Variants in ROBO2 observed in about 807,000 individuals in gnomAD.
The protein encoded by ROBO2 is roundabout guidance receptor 2.
In ROBO2, 53 loss-of-function variants were observed where a neutral mutation model predicts 160.8. The ratio of observed to expected loss-of-function variants is 0.33; its 90% confidence interval spans 0.26 to 0.41. ROBO2 has a LOEUF of 0.41. Among genes scored for constraint, ROBO2 ranks in the 10% least tolerant of loss-of-function variants. The pLI is 1.00. For synonymous variants in ROBO2, 664 were observed against 611.7 expected, an observed-to-expected ratio of 1.09 and a Z score of -1.26; for missense variants, 1,577 against 1,722.4, an observed-to-expected ratio of 0.92 and a Z score of 1.49.
chr3:76,232,087 G>A (rs1704654008), intron 2 of ROBO2, among the ~76,000 whole-genome samples: 1 of 152,082 alleles, frequency 6.6e-6, no homozygotes, highest in Non-Finnish European at 1.5e-5. Context: ...CAGTCAGTCA[G>A]GTTGTGATCT....
intron 2 of ROBO2, among the ~76,000 whole-genome samples, chr3:76,306,805 A>C (rs994508932): frequency 5.3e-5 from 8 of 152,232 alleles, no homozygotes; most frequent in Non-Finnish European, 1.0e-4. Context: ...AAGAAACCTT[A>C]AAGTTTATTT....
At chr3:77,286,057 A>C (rs1422051236) in intron 2 of ROBO2, among the ~76,000 whole-genome samples, 1 of 152,034 alleles carries the variant, frequency 6.6e-6, no homozygotes, top group African/African-American at 2.4e-5. Context: ...TTTTGTGCAA[A>C]CTTTCATTAT....
intron 2 of ROBO2, among the ~76,000 whole-genome samples, chr3:76,064,160 G>C (rs984042940): frequency 6.6e-6 from 1 of 152,122 alleles, no homozygotes; most frequent in Non-Finnish European, 1.5e-5. Context: ...TTTTAGCCTC[G>C]TGAGACCCAG....
At chr3:77,400,431 T>C (rs1216474043) in intron 2 of ROBO2, among the ~76,000 whole-genome samples, 1 of 152,192 alleles carries the variant, frequency 6.6e-6, no homozygotes, top group Non-Finnish European at 1.5e-5. Context: ...TTCTGGAGTC[T>C]TTTGGGGGGC....
At chr3:76,992,012 T>G (rs1478055249) in intron 2 of ROBO2, among the ~76,000 whole-genome samples, 1 of 152,136 alleles carries the variant, frequency 6.6e-6, no homozygotes, top group Non-Finnish European at 1.5e-5. Flanking sequence ...ATAGAACTTC[T>G]AGTTCTTCAG....
intron 2 of ROBO2, among the ~76,000 whole-genome samples, chr3:76,704,898 A>T (rs2593879): frequency 0.48 from 73,584 of 151,950 alleles, 18,234 homozygotes; most frequent in Non-Finnish European, 0.54. Context: ...TTAATTAATT[A>T]ATTTATTTTG....
intron 2 of ROBO2, among the ~76,000 whole-genome samples, chr3:77,353,983 T>G (rs770533220): frequency 3.9e-5 from 6 of 152,152 alleles, no homozygotes; most frequent in Non-Finnish European, 5.9e-5. Context: ...TTCAACTCCA[T>G]ACCCTGAATT....
rs566760335 is a variant in ROBO2 at position 77,166,561 on chromosome 3, G to T, written c.388+68221G>T. 2.9e-3 allele frequency among the ~76,000 whole-genome samples: 438 copies of T among 150,838 alleles called. 3 individuals carry two copies. Among genetic ancestry groups the T allele is most frequent in the South Asian group, 0.02 (93 of 4,720 alleles). ...TTAATGACACAGAAGTGTTTTTTTT[G>T]TTTGTTTGTTTGTTTTAGGCGGAGT... On this transcript the variant is annotated intron_variant, in intron 2 of 25. Transcript: ENST00000461745.
At chr3:76,807,653 GAA>G (rs1019347361) in intron 2 of ROBO2, among the ~76,000 whole-genome samples, 26 of 152,104 alleles carry the variant, frequency 1.7e-4, no homozygotes, top group Middle Eastern at 6.8e-3. Flanking sequence ...ACATTCCCAT[GAA>G]AAGTGTTAAT....
At position 77,159,262 on chromosome 3, in the gene ROBO2, T is replaced by C. The variant is rs114917585; in HGVS notation, c.388+60922T>C. On this transcript the variant is annotated intron_variant, in intron 2 of 25. Coordinates refer to ENST00000461745, the Ensembl canonical transcript of ROBO2. ...ACACAGAAGATCAGTGCCATGAAAA[T>C]TCAATTTCCCCCAACCATCATTACC... Among the ~76,000 whole-genome samples the C allele has an allele frequency of 8.0e-3, 1,211 of 152,208 alleles. 17 individuals are homozygous for C. The highest frequency in any genetic ancestry group is 0.028 in the African/African-American group (1,154 of 41,546).
chr3:76,299,462 A>T (rs1289259917), intron 2 of ROBO2, among the ~76,000 whole-genome samples: 1 of 152,178 alleles, frequency 6.6e-6, no homozygotes, highest in East Asian at 1.9e-4. Context: ...CACAGAGAAA[A>T]TAAAGGGGAG....
chr3:76,803,465 AAGGAAGGAAGGG>A (rs1209459173), intron 2 of ROBO2, among the ~76,000 whole-genome samples: 1 of 140,148 alleles, frequency 7.1e-6, no homozygotes, highest in East Asian at 3.1e-4. Flanking sequence ...GGAAGGAAGA[AAGGAAGGAAGGG>A]AGGGAGGGAG....
Position 77,082,043 on chromosome 3 carries a change from C to T in ROBO2, c.62-15971C>T, listed in dbSNP as rs1351956501. On this transcript the variant is annotated intron_variant, in intron 1 of 25. Transcript: ENST00000461745. Reference sequence around the variant, plus strand: ...CCTATGTTTAAAAACAATGCAGAGCCGGTATTTCTAATTGTATACTAATTG... The same window carrying T: ...CCTATGTTTAAAAACAATGCAGAGCTGGTATTTCTAATTGTATACTAATTG... Among the ~76,000 whole-genome samples, 4 of 152,026 alleles carry T rather than the reference C, an allele frequency of 2.6e-5. 1 individual carries two copies. Among genetic ancestry groups the T allele is most frequent in the Admixed American group, 2.0e-4 (3 of 15,254 alleles).
intron 2 of ROBO2, among the ~76,000 whole-genome samples, chr3:75,984,064 T>A (rs1576378694): frequency 6.6e-6 from 1 of 151,396 alleles, no homozygotes; most frequent in Non-Finnish European, 1.5e-5. Context: ...TGAAACATCA[T>A]TACAACACAC....
At chr3:75,984,341 C>T (rs1190401783) in intron 2 of ROBO2, among the ~76,000 whole-genome samples, 1 of 151,300 alleles carries the variant, frequency 6.6e-6, no homozygotes, top group Non-Finnish European at 1.5e-5. Context: ...AGTTTATTTC[C>T]CTTGTTTTTT....
At chr3:76,075,272 A>T (rs1364517785) in intron 2 of ROBO2, among the ~76,000 whole-genome samples, 1 of 151,712 alleles carries the variant, frequency 6.6e-6, no homozygotes, top group Non-Finnish European at 1.5e-5. Flanking sequence ...CCAGGGGAGG[A>T]TGAACGATTG....
chr3:76,185,215 T>TATATATATATATAGATACAC, intron 2 of ROBO2, among the ~76,000 whole-genome samples: 1 of 90,312 alleles, frequency 1.1e-5, no homozygotes, highest in Non-Finnish European at 2.3e-5. Flanking sequence ...TATATATATA[T>TATATATATATATAGATACAC]ACACACACAA....
At chr3:77,617,707 C>G in exon 22 of ROBO2, 1 of 1,614,002 alleles carries the variant, frequency 6.2e-7, no homozygotes, top group Non-Finnish European at 8.5e-7. Context: ...GAGATGCAAC[C>G]CATGCTGCAG....
intron 1 of ROBO2, among the ~76,000 whole-genome samples, chr3:75,907,145 G>C (rs919326990): frequency 5.9e-5 from 9 of 152,210 alleles, no homozygotes; most frequent in Non-Finnish European, 7.3e-5. Flanking sequence ...CACGGCCAGC[G>C]TGGGGGCATT....
Sources: gnomAD v4.1 joint callset for allele counts (sites outside exome capture counted in the v4.1 genomes callset) on GRCh38, gnomAD v4.1.1 for gene constraint, MANE v1.5 for transcripts, NCBI Gene and HGNC (gene_info 2026-07-23, HGNC 2026-07-21) for gene names.